Variants in MSRA observed in about 807,000 individuals in gnomAD.
The protein encoded by MSRA is mitochondrial peptide methionine sulfoxide reductase.
MSRA carries 54 observed loss-of-function variants against 31.3 expected under a neutral mutation model. That is an observed-to-expected ratio of 1.73 (90% CI 1.39 to 2.17). The LOEUF is 2.17. Ranked by LOEUF, MSRA falls within the 30% of genes most tolerant of loss-of-function variation. MSRA has a pLI of 0.00. For synonymous variants in MSRA, 169 were observed against 116.5 expected, an observed-to-expected ratio of 1.45 and a Z score of -2.90; for missense variants, 507 against 300.9, an observed-to-expected ratio of 1.69 and a Z score of -5.07.
intron 1 of MSRA, among the ~76,000 whole-genome samples, chr8:10,190,857 T>TA (rs1807446026): frequency 6.6e-6 from 1 of 152,178 alleles, no homozygotes; most frequent in African/African-American, 2.4e-5. Flanking sequence ...ATCCCGTCCT[T>TA]ACGTGTTTTT....
intron 5 of MSRA, among the ~76,000 whole-genome samples, chr8:10,347,114 T>C (rs1166945415): frequency 6.6e-6 from 1 of 152,190 alleles, no homozygotes; most frequent in Non-Finnish European, 1.5e-5. Flanking sequence ...TTTTAGTCAT[T>C]ACTGGTTCGT....
At chr8:10,106,978 A>G (rs1386476299) in intron 1 of MSRA, among the ~76,000 whole-genome samples, 5 of 151,680 alleles carry the variant, frequency 3.3e-5, no homozygotes, top group African/African-American at 9.7e-5. Flanking sequence ...CCATCCGTCC[A>G]TCCATGCAGC....
At chr8:10,191,969 C>G (rs750010975) in intron 1 of MSRA, among the ~76,000 whole-genome samples, 3 of 152,124 alleles carry the variant, frequency 2.0e-5, no homozygotes, top group Non-Finnish European at 4.4e-5. Context: ...GATCAGTGTT[C>G]CTCACGAGGC....
At chr8:10,230,936 C>T (rs1054596251) in intron 2 of MSRA, among the ~76,000 whole-genome samples, 2 of 152,178 alleles carry the variant, frequency 1.3e-5, no homozygotes, top group African/African-American at 4.8e-5. Flanking sequence ...CAGTATGTGC[C>T]ACCACGCCTG....
At position 10,088,760 on chromosome 8, in the gene MSRA, G is replaced by A. The variant is rs946768345; in HGVS notation, c.142+34102G>A. Among the ~76,000 whole-genome samples, 8 of 152,142 alleles carry A rather than the reference G, an allele frequency of 5.3e-5. No homozygotes were observed. In the East Asian group the frequency reaches 1.4e-3, roughly 26 times the overall value. On this transcript the variant is annotated intron_variant, in intron 1 of 5. Coordinates refer to ENST00000317173, the MANE Select transcript of MSRA (RefSeq NM_012331.5). ...CAGAAAAAAAAAGTCTATCAAGGGAGGAATAAGGACCATGTGATATATGTA... is the reference window on the plus strand; with the variant it reads ...CAGAAAAAAAAAGTCTATCAAGGGAAGAATAAGGACCATGTGATATATGTA...
intron 1 of MSRA, among the ~76,000 whole-genome samples, chr8:10,072,354 A>T (rs1797778181): frequency 6.6e-6 from 1 of 151,270 alleles, no homozygotes; most frequent in African/African-American, 2.4e-5. Context: ...CTACAGAATA[A>T]TTTGTTGAAA....
intron 1 of MSRA, among the ~76,000 whole-genome samples, chr8:10,197,375 G>C (rs184210607): frequency 6.6e-6 from 1 of 152,310 alleles, no homozygotes; most frequent in East Asian, 1.9e-4. Flanking sequence ...CTTGTGTTGG[G>C]AACTCAGGCT....
chr8:10,270,754 G>C (rs2129100114), intron 3 of MSRA, among the ~76,000 whole-genome samples: 1 of 152,326 alleles, frequency 6.6e-6, no homozygotes, highest in Non-Finnish European at 1.5e-5. Flanking sequence ...ATTCACATCA[G>C]ACCCTATGAA....
chr8:10,139,678 T>C (rs1459945347), intron 1 of MSRA, among the ~76,000 whole-genome samples: 2 of 152,256 alleles, frequency 1.3e-5, no homozygotes, highest in Non-Finnish European at 2.9e-5. Context: ...CTATTCATAT[T>C]GCTTGATTTC....
In MSRA at chr8:10,126,561, A is replaced by G. The variant is rs187942544; in HGVS notation, c.142+71903A>G. Among the ~76,000 whole-genome samples, 555 of 152,092 alleles carry G rather than the reference A, an allele frequency of 3.6e-3. 2 individuals are homozygous for G. Among genetic ancestry groups the G allele is most frequent in the African/African-American group, 0.013 (528 of 41,496 alleles). On this transcript the variant is annotated intron_variant, in intron 1 of 5. Coordinates refer to ENST00000317173, the MANE Select transcript of MSRA (RefSeq NM_012331.5). ...GATGGGGTCTTCTGTCGCCCAGGCT[A>G]GAGTGCAGTGGCATGATGTCTGCTC...
At position 10,245,118 on chromosome 8, in the gene MSRA, TG is replaced by T. The variant is rs1327961380; in HGVS notation, c.230del (p.Gly77GlufsTer9). The T allele has an allele frequency of 6.2e-7, 1 of 1,613,456 alleles. No individual in the cohort carries two copies. Among genetic ancestry groups the T allele is most frequent in the South Asian group, 1.1e-5 (1 of 90,960 alleles). On this transcript the variant is annotated frameshift_variant, in exon 3 of 6. Transcript: ENST00000317173. LOFTEE classifies it high-confidence loss of function. ...TCTTTTTTAAGGAATGGGATGTTTC[TG>T]GGGAGCTGAAAGGAAATTCTGGGTC... The part of the protein sequence containing the change: ...QMAVFGMGCF[W>X]GAERKFWVLK...
chr8:10,428,119 G>A (rs1809300048), intron 5 of MSRA, 29 bp from the exon 6 acceptor site: 1 of 1,601,100 alleles, frequency 6.2e-7, no homozygotes, highest in Non-Finnish European at 8.5e-7. Flanking sequence ...TAGCATGGGA[G>A]CTGATGGCGC....
chr8:10,288,161 C>T (rs34731422), intron 3 of MSRA, among the ~76,000 whole-genome samples: 2 of 152,180 alleles, frequency 1.3e-5, no homozygotes, highest in African/African-American at 2.4e-5. Flanking sequence ...TTGAATCAGA[C>T]TACTGTTTTT....
At chr8:10,256,335 G>T (rs1798178057) in intron 3 of MSRA, among the ~76,000 whole-genome samples, 1 of 152,140 alleles carries the variant, frequency 6.6e-6, no homozygotes, top group African/African-American at 2.4e-5. Flanking sequence ...ATATTCCATG[G>T]CCTGGATGTA....
intron 1 of MSRA, among the ~76,000 whole-genome samples, chr8:10,085,877 G>T (rs28631074): frequency 0.071 from 10,867 of 152,270 alleles, 495 homozygotes; most frequent in African/African-American, 0.13. Flanking sequence ...TTTCCACCTA[G>T]CATAGTGTTC....
chr8:10,099,602 G>A (rs953527282), intron 1 of MSRA, among the ~76,000 whole-genome samples: 2 of 152,226 alleles, frequency 1.3e-5, no homozygotes, highest in African/African-American at 4.8e-5. Flanking sequence ...GTATTAGCTT[G>A]TTGAGTCTTA....
At chr8:10,327,687 A>T (rs1802440680) in intron 5 of MSRA, among the ~76,000 whole-genome samples, 1 of 152,136 alleles carries the variant, frequency 6.6e-6, no homozygotes, top group African/African-American at 2.4e-5. Context: ...TAATCCCAGC[A>T]CTTTGGGAAG....
chr8:10,279,680 C>G (rs1243565358), intron 3 of MSRA, among the ~76,000 whole-genome samples: 1 of 152,222 alleles, frequency 6.6e-6, no homozygotes, highest in East Asian at 1.9e-4. Context: ...TTGGTTGAAG[C>G]TAACACCTAG....
intron 1 of MSRA, among the ~76,000 whole-genome samples, chr8:10,167,460 TG>T (rs1563174040): frequency 6.6e-6 from 1 of 152,164 alleles, no homozygotes; most frequent in African/African-American, 2.4e-5. Context: ...GAAAAGAGTT[TG>T]GGGGGTTGTT....
Sources: allele counts gnomAD v4.1 joint callset (sites outside exome capture counted in the v4.1 genomes callset), GRCh38; gene constraint gnomAD v4.1.1; transcripts MANE v1.5; gene names NCBI Gene and HGNC (gene_info 2026-07-23, HGNC 2026-07-21).